CIMIP6: variants seen among roughly 807,000 people sequenced by gnomAD.
The protein encoded by CIMIP6 is ciliary microtubule inner protein 6.
chr2:54,372,752 T>C, the CIMIP6 span, among the ~76,000 whole-genome samples: 18,565 of 152,182 alleles, frequency 0.12, 1,219 homozygotes, highest in African/African-American at 0.16. Flanking sequence ...CCAGTCTTTT[T>C]AGCTAAGGCC....
the CIMIP6 span, chr2:54,330,953 G>A: frequency 8.7e-6 from 14 of 1,612,634 alleles, no homozygotes; most frequent in Non-Finnish European, 1.2e-5. Context: ...GAGGCTCCTC[G>A]CTGCCTGGTG....
At chr2:54,369,708 T>C in the CIMIP6 span, among the ~76,000 whole-genome samples, 2 of 152,134 alleles carry the variant, frequency 1.3e-5, no homozygotes, top group African/African-American at 4.8e-5. Flanking sequence ...GATATATGAT[T>C]TCCCAGGCCA....
chr2:54,367,249 C>A, the CIMIP6 span, among the ~76,000 whole-genome samples: 1 of 152,038 alleles, frequency 6.6e-6, no homozygotes, highest in African/African-American at 2.4e-5. Context: ...CACTGATTAA[C>A]CTATATATTA....
At chr2:54,359,129 C>A in the CIMIP6 span, 1 of 1,023,404 alleles carries the variant, frequency 9.8e-7, no homozygotes, top group Non-Finnish European at 1.4e-6. Context: ...ATTTGTAGAA[C>A]TTTAAGCTTT....
the CIMIP6 span, among the ~76,000 whole-genome samples, chr2:54,351,061 A>T: frequency 2.0e-5 from 3 of 152,220 alleles, no homozygotes; most frequent in Non-Finnish European, 4.4e-5. Context: ...AATTTGAAAA[A>T]TATGTTTCAA....
the CIMIP6 span, among the ~76,000 whole-genome samples, chr2:54,359,626 G>A: frequency 6.8e-6 from 1 of 146,980 alleles, no homozygotes; most frequent in Non-Finnish European, 1.5e-5. Flanking sequence ...AATAATAATA[G>A]TAATAATATC....
the CIMIP6 span, among the ~76,000 whole-genome samples, chr2:54,367,012 C>T: frequency 6.6e-6 from 1 of 152,166 alleles, no homozygotes. Flanking sequence ...TACCCAAGGT[C>T]ACCCAGCTAG....
At chr2:54,350,369 G>C in the CIMIP6 span, among the ~76,000 whole-genome samples, 1 of 152,190 alleles carries the variant, frequency 6.6e-6, no homozygotes, top group Non-Finnish European at 1.5e-5. Flanking sequence ...GTAGTTCTTG[G>C]TCTGGTCAGT....
the CIMIP6 span, among the ~76,000 whole-genome samples, chr2:54,345,641 G>A: frequency 6.6e-6 from 1 of 152,166 alleles, no homozygotes; most frequent in Non-Finnish European, 1.5e-5. Context: ...AGGCTAGAGT[G>A]AATAATTGGC....
the CIMIP6 span, among the ~76,000 whole-genome samples, chr2:54,359,597 C>T: frequency 7.4e-5 from 11 of 149,064 alleles, no homozygotes; most frequent in Non-Finnish European, 1.2e-4. Context: ...TTTCTAATAA[C>T]AATAATAATA....
At chr2:54,374,356 G>A in the CIMIP6 span, among the ~76,000 whole-genome samples, 1 of 152,168 alleles carries the variant, frequency 6.6e-6, no homozygotes, top group African/African-American at 2.4e-5. Flanking sequence ...AAGGTATTCT[G>A]AGTAATTAAA....
At chr2:54,345,197 A>G in the CIMIP6 span, among the ~76,000 whole-genome samples, 3 of 152,196 alleles carry the variant, frequency 2.0e-5, no homozygotes, top group African/African-American at 7.2e-5. Flanking sequence ...CAAGTTTTAC[A>G]TAGCAGGGGA....
At chr2:54,374,604 G>C in the CIMIP6 span, among the ~76,000 whole-genome samples, 1 of 152,200 alleles carries the variant, frequency 6.6e-6, no homozygotes, top group East Asian at 1.9e-4. Flanking sequence ...TTCACATTTT[G>C]TTCCCTTCAT....
the CIMIP6 span, among the ~76,000 whole-genome samples, chr2:54,362,987 A>G: frequency 1.3e-5 from 2 of 152,196 alleles, no homozygotes; most frequent in Non-Finnish European, 2.9e-5. Flanking sequence ...TATTAAACTT[A>G]GTATATATTT....
At chr2:54,383,578 A>G in the CIMIP6 span, 1 of 152,130 alleles carries the variant, frequency 6.6e-6, no homozygotes, top group Non-Finnish European at 1.5e-5. Context: ...CTTGTTTGCT[A>G]TAGTAGATAG....
chr2:54,367,526 T>C, the CIMIP6 span, among the ~76,000 whole-genome samples: 2 of 152,088 alleles, frequency 1.3e-5, no homozygotes, highest in Admixed American at 6.6e-5. Context: ...TATATATTTA[T>C]TGGTAATTGG....
the CIMIP6 span, chr2:54,381,809 C>T: frequency 6.6e-7 from 1 of 1,510,634 alleles, no homozygotes; most frequent in South Asian, 1.3e-5. Context: ...GACTTTTTCC[C>T]ATAATTTTTC....
chr2:54,349,286 A>T, the CIMIP6 span, among the ~76,000 whole-genome samples: 1 of 152,114 alleles, frequency 6.6e-6, no homozygotes, highest in African/African-American at 2.4e-5. Flanking sequence ...TATATATAAG[A>T]TCAGAATACT....
chr2:54,381,455 G>A, the CIMIP6 span, among the ~76,000 whole-genome samples: 1 of 152,086 alleles, frequency 6.6e-6, no homozygotes, highest in Non-Finnish European at 1.5e-5. Context: ...GTTTTCTCAC[G>A]TTTTCTTAAT....
Sources: allele counts gnomAD v4.1 joint callset (sites outside exome capture counted in the v4.1 genomes callset), GRCh38; gene constraint gnomAD v4.1.1; transcripts MANE v1.5; gene names NCBI Gene and HGNC (gene_info 2026-07-23, HGNC 2026-07-21).